CHD8: variants seen among roughly 807,000 people sequenced by gnomAD.
The protein encoded by CHD8 is ATP-dependent chromatin remodeler CHD8.
In CHD8, 31 loss-of-function variants were observed where a neutral mutation model predicts 279.2. The ratio of observed to expected loss-of-function variants is 0.11; its 90% CI spans 0.08 to 0.15. The LOEUF is 0.15. Ranked by LOEUF, CHD8 falls within the 10% of genes least tolerant of loss-of-function variation. CHD8 has a pLI of 1.00. For synonymous variants in CHD8, 1,081 were observed against 1,139.6 expected (o/e 0.95, Z 1.04); for missense variants, 2,146 against 3,230.5 (o/e 0.66, Z 8.14).
chr14:21,419,150 A>G (rs1331479846), intron 5 of CHD8, among the ~76,000 whole-genome samples: 1 of 152,226 alleles, frequency 6.6e-6, no homozygotes, highest in African/African-American at 2.4e-5. Context: ...TTTACTTAAT[A>G]TATTTCTGGA....
chr14:21,442,344 A>G (rs1713539929), intron 1 of CHD8, among the ~76,000 whole-genome samples: 1 of 152,100 alleles, frequency 6.6e-6, no homozygotes, highest in Admixed American at 6.6e-5. Flanking sequence ...ACAGGCCTAT[A>G]GACCCAGCTG....
chr14:21,394,217 G>C (rs759337146), intron 31 of CHD8, 22 bp from the exon 32 acceptor site: 1 of 1,610,680 alleles, frequency 6.2e-7, no homozygotes, highest in South Asian at 1.1e-5. Context: ...AGGAGTAGAA[G>C]AAATTAACAG....
intron 9 of CHD8, 129 bp from the exon 10 acceptor site, chr14:21,413,125 T>C (rs1888572086): frequency 3.0e-6 from 2 of 661,594 alleles, no homozygotes; most frequent in Non-Finnish European, 2.7e-6. Context: ...ATCCGATGGG[T>C]GTTCTCCTTT....
intron 5 of CHD8, among the ~76,000 whole-genome samples, chr14:21,418,020 C>G (rs1316235385): frequency 6.6e-6 from 1 of 151,572 alleles, no homozygotes; most frequent in African/African-American, 2.4e-5. Flanking sequence ...CTTTAGAAAA[C>G]TTAACAGATT....
chr14:21,437,317 C>T, intron 1 of CHD8: 17 of 1,100,944 alleles, frequency 1.5e-5, no homozygotes, highest in Non-Finnish European at 1.9e-5. Context: ...CTGAAGCGCA[C>T]TGCCACTCAC....
At position 21,405,498 on chromosome 14, in the gene CHD8, T is replaced by A; in HGVS notation, c.3052-34A>T. The A allele has an allele frequency of 3.1e-6, 5 of 1,590,622 alleles. No homozygotes were observed. Among genetic ancestry groups the A allele is most frequent in the Non-Finnish European group, 4.3e-6 (5 of 1,168,436 alleles). On this transcript the variant is annotated intron_variant, in intron 15 of 37. Transcript: ENST00000646647. This position sits in a 1 kb window ranked among gnomAD's most constrained non-coding sequence, Gnocchi z 4.2. ...CATTACAGAGAGAAAAATAAATCAA[T>A]AAGATGAGGGCGAACATTCTCACAT...
At position 21,400,459 on chromosome 14, in the gene CHD8, A is replaced by G. The variant is rs750041477; in HGVS notation, c.4524T>C (p.Ile1508=). 5.6e-6 allele frequency: 9 copies of G among 1,607,288 alleles called. No individual in the cohort carries two copies. Among genetic ancestry groups the G allele is most frequent in the Non-Finnish European group, 7.6e-6 (9 of 1,178,300 alleles). The change falls in exon 23 of 38, where the codon ATT becomes ATC. Residue 1508 remains isoleucine, a synonymous_variant. Transcript: ENST00000646647. This position sits in a 1 kb window ranked among gnomAD's most constrained non-coding sequence, Gnocchi z 4.2. The part of the protein sequence containing the change: ...ENIKGFIWDL[I]SPAENGKTKE... ...TTGTCTTGCCATTTTCAGCTGGGCT[A>G]ATCAAGTCCCAGATGAAGCCTTTAA... is the stretch of plus-strand genomic sequence containing the variant.
chr14:21,441,714 C>T lies in CHD8; in HGVS notation c.-215-9856G>A, dbSNP rs982730869. Among the ~76,000 whole-genome samples, 9 of 151,862 alleles carry T rather than the reference C, an allele frequency of 5.9e-5. No individual in the cohort carries two copies. The South Asian group carries it at 6.2e-4, about 11-fold the overall frequency. On this transcript the variant is annotated intron_variant, in intron 1 of 37. Coordinates refer to ENST00000646647, the MANE Select transcript of CHD8 (RefSeq NM_001170629.2). ...CCATCCTGGCTAACACGGTGAAACC[C>T]CGTCTCTACTAAAAATACAAAAAAA...
chr14:21,433,575 C>G (rs1272867430), intron 1 of CHD8, among the ~76,000 whole-genome samples: 1 of 152,168 alleles, frequency 6.6e-6, no homozygotes, highest in Non-Finnish European at 1.5e-5. Context: ...CCCAACCCAT[C>G]TCACTTATCC....
chr14:21,411,349 G>A (rs193102560), intron 10 of CHD8, among the ~76,000 whole-genome samples: 6 of 152,266 alleles, frequency 3.9e-5, no homozygotes, highest in African/African-American at 1.2e-4. Flanking sequence ...TAAAGACAAT[G>A]AATTCTACCG....
chr14:21,431,461 T>A lies in CHD8; in HGVS notation c.183A>T (p.Ser61=). The change falls in exon 2 of 38, where the codon TCA becomes TCT. Residue 61 remains serine (S), a synonymous_variant. Transcript: ENST00000646647. Reference sequence around the variant, plus strand: ...GTGGAGGGACCAGTTCACTTGCTGATGAATTCCCCACATCACCACCTCCAC... The same window carrying A: ...GTGGAGGGACCAGTTCACTTGCTGAAGAATTCCCCACATCACCACCTCCAC... ...QDGGGGDVGN[S]SASELVPPPE... is the part of the protein sequence containing the mutation. 6.5e-7 allele frequency: 1 copy of A among 1,537,134 alleles called. No individual in the cohort carries two copies. The highest frequency in any genetic ancestry group is 8.7e-7 in the Non-Finnish European group (1 of 1,146,856).
At chr14:21,391,150 T>G (rs1253291147) in intron 36 of CHD8, 87 bp from the exon 37 acceptor site, 1 of 897,296 alleles carries the variant, frequency 1.1e-6, no homozygotes, top group African/African-American at 1.7e-5. Flanking sequence ...TGTTTGATAA[T>G]AAACACTTAT....
intron 5 of CHD8, among the ~76,000 whole-genome samples, chr14:21,424,953 C>G (rs914617489): frequency 1.4e-4 from 21 of 152,266 alleles, no homozygotes; most frequent in African/African-American, 5.1e-4. Context: ...TTAAGTTGGC[C>G]AGGCCACAGA....
intron 11 of CHD8, 88 bp downstream of exon 11, chr14:21,409,763 A>C (rs1313942967): frequency 3.9e-6 from 5 of 1,279,076 alleles, no homozygotes; most frequent in Non-Finnish European, 4.4e-6. Context: ...TTCCATAATA[A>C]AAAGCTAAAA....
At chr14:21,398,856 T>A in intron 26 of CHD8, 1 of 241,126 alleles carries the variant, frequency 4.1e-6, no homozygotes, top group Non-Finnish European at 8.5e-6. Context: ...TTTAGACAAA[T>A]GGGACATGTA....
intron 8 of CHD8, chr14:21,414,663 AT>A: frequency 1.7e-6 from 1 of 593,232 alleles, no homozygotes; most frequent in Non-Finnish European, 3.0e-6. Flanking sequence ...CATGGGCCAT[AT>A]TTTGAGTAGC....
At position 21,386,101 on chromosome 14, in the gene CHD8, G is replaced by C. The variant is rs371294659; in HGVS notation, c.7258C>G (p.Arg2420Gly). 1.9e-6 allele frequency: 3 copies of C among 1,559,240 alleles called. No homozygotes were observed. Among genetic ancestry groups the C allele is most frequent in the Middle Eastern group, 1.7e-4 (1 of 6,000 alleles). Residue 2420 changes from arginine (R) to glycine (G), a missense_variant, in exon 38 of 38, where the codon CGT becomes GGT. This residue lies in a region of CHD8 where 336 missense variants were observed against 392.9 expected (regional missense o/e 0.86). Transcript: ENST00000646647. ...TTAGAAAGGTCTGGTCGCATCCTAC[G>C]GGCCCGCTTCTTGCTGCTCTCTGGT... ...IAPESSKKRA[R>G]RMRPDLSKMM...
Position 21,393,807 on chromosome 14 carries a change from T to C in CHD8, c.5988A>G (p.Pro1996=), listed in dbSNP as rs930661785. The change falls in exon 32 of 38, where the codon CCA becomes CCG. Residue 1996 remains proline (P), a synonymous_variant. Transcript: ENST00000646647. ...CAGGAGCATCTGGGCGCAGGGGCAGTGGTGAGGCAGTGCGTGAGGTATACT... is the reference window on the plus strand; with the variant it reads ...CAGGAGCATCTGGGCGCAGGGGCAGCGGTGAGGCAGTGCGTGAGGTATACT... ...HQQYTSRTAS[P]LPLRPDAPVE... 5 of 1,613,740 alleles carry C rather than the reference T, an allele frequency of 3.1e-6. No homozygotes were observed. In the Admixed American group the frequency reaches 8.3e-5, roughly 27 times the overall value.
intron 10 of CHD8, 35 bp from the exon 11 acceptor site, chr14:21,410,023 A>AT (rs1190232502): frequency 1.3e-6 from 2 of 1,580,534 alleles, no homozygotes. Flanking sequence ...TAAGAAACTG[A>AT]TTCTGTGTTC....
Sources: allele counts gnomAD v4.1 joint callset (sites outside exome capture counted in the v4.1 genomes callset), GRCh38; gene constraint gnomAD v4.1.1; regional missense constraint gnomAD v4.1.1; non-coding constraint Gnocchi (gnomAD v3.1); transcripts MANE v1.5; gene names NCBI Gene and HGNC (gene_info 2026-07-23, HGNC 2026-07-21).